The following SOX30 variants were observed in gnomAD, a reference collection of about 807,000 sequenced individuals.
SOX30 encodes the protein transcription factor SOX-30.
In SOX30, 17 loss-of-function variants were observed where a neutral mutation model predicts 58.6. That is an observed-to-expected ratio of 0.29 (90% CI 0.20 to 0.44). The LOEUF (loss-of-function observed/expected upper bound fraction) is 0.44. SOX30 is among the 20% of genes least tolerant of loss of function. SOX30 has a pLI of 1.00. For synonymous variants in SOX30, 421 were observed against 400.2 expected, an observed-to-expected ratio of 1.05 and a Z score of -0.62; for missense variants, 951 against 965.8, an observed-to-expected ratio of 0.98 and a Z score of 0.20.
chr5:157,640,082 T>C (rs545142875), intron 3 of SOX30, among the ~76,000 whole-genome samples: 1 of 152,356 alleles, frequency 6.6e-6, no homozygotes, highest in African/African-American at 2.4e-5. Flanking sequence ...TCCTGATTTA[T>C]CAAGCATAGG....
rs7733221 is a variant in SOX30 at position 157,667,767 on chromosome 5, C to T, written c.52+31G>A. 4,011 of 431,244 alleles carry T rather than the reference C, an allele frequency of 9.3e-3. 30 individuals carry two copies. In the African/African-American group the frequency reaches 0.13, roughly 14 times the overall value. The allele number at this position is 431,244 out of a possible 1,614,324, so 26.7% of individuals were successfully genotyped here. A position where few individuals can be genotyped will look rare whatever the true frequency, so the allele number is the denominator to read the frequency against. ...ATACATACATACATACATACATACA[C>T]ACACACACACACACACACACACATA... On this transcript the variant is annotated intron_variant, in intron 2 of 5. Coordinates refer to the SOX30 transcript ENST00000519442.
chr5:157,660,470 A>T (rs991321893), intron 2 of SOX30, among the ~76,000 whole-genome samples: 3 of 151,160 alleles, frequency 2.0e-5, no homozygotes, highest in African/African-American at 7.3e-5. Context: ...AAAATAAAAT[A>T]AAATATAAAA....
chr5:157,671,204 G>A (rs1042874802), intron 1 of SOX30: 7 of 182,568 alleles, frequency 3.8e-5, no homozygotes, highest in Admixed American at 1.2e-4. Context: ...GCCTGTGCTG[G>A]GTCTTCAGAC....
upstream of SOX30, among the ~76,000 whole-genome samples, chr5:157,656,277 T>A (rs115931489): frequency 2.4e-3 from 363 of 152,354 alleles, 3 homozygotes; most frequent in African/African-American, 8.4e-3. Context: ...TTTATATAGT[T>A]CATGTGACTT....
At position 157,647,653 on chromosome 5, in the gene SOX30, C is replaced by G. The variant is rs537702902; in HGVS notation, c.1208-837G>C. Among the ~76,000 whole-genome samples, 3 of 152,236 alleles carry G rather than the reference C, an allele frequency of 2.0e-5. No homozygotes were observed. In the East Asian group the frequency reaches 5.8e-4, roughly 30 times the overall value. Reference sequence around the variant, plus strand: ...CACTGCAAGCTCCACCTCCTGGGTTCATGCCATTCTCCTGCCTGAGCCTCC... The same window carrying G: ...CACTGCAAGCTCCACCTCCTGGGTTGATGCCATTCTCCTGCCTGAGCCTCC... On this transcript the variant is annotated intron_variant, in intron 2 of 4. Coordinates refer to ENST00000265007, the MANE Select transcript of SOX30 (RefSeq NM_178424.2).
At chr5:157,649,616 C>T (rs1190548696) in intron 1 of SOX30, among the ~76,000 whole-genome samples, 1 of 151,746 alleles carries the variant, frequency 6.6e-6, no homozygotes, top group Non-Finnish European at 1.5e-5. Flanking sequence ...ATGATGAAAC[C>T]CCATCTCTAC....
Position 157,651,314 on chromosome 5 carries a change from C to T in SOX30, c.765G>A (p.Gln255=). ...GCGTCAAAGGGATCCTAAGGTCTTG[C>T]TGGTGCGGCCCAAAGGCACCGGACG... ...APTSGAFGPH[Q]QDLRIPLTLH... Residue 255 remains glutamine (Q), a synonymous_variant, in exon 1 of 5, where the codon CAG becomes CAA. Transcript: ENST00000265007. 1 of 1,614,102 alleles carries T rather than the reference C, an allele frequency of 6.2e-7. No individual in the cohort carries two copies. The highest frequency in any genetic ancestry group is 1.1e-5 in the South Asian group (1 of 91,082).
intron 2 of SOX30, among the ~76,000 whole-genome samples, chr5:157,661,288 C>T (rs767884412): frequency 4.6e-5 from 7 of 152,146 alleles, no homozygotes; most frequent in Non-Finnish European, 7.4e-5. Context: ...TGCCTTTTAT[C>T]AAAGTAAGAA....
At chr5:157,661,772 G>C (rs1759581493) in intron 2 of SOX30, among the ~76,000 whole-genome samples, 1 of 152,110 alleles carries the variant, frequency 6.6e-6, no homozygotes, top group Non-Finnish European at 1.5e-5. Flanking sequence ...GATCTAATTT[G>C]TTGTTATTTA....
intron 4 of SOX30, among the ~76,000 whole-genome samples, chr5:157,631,051 A>ATATATATATACAATATATATATTG (rs1420099464): frequency 2.5e-5 from 1 of 40,700 alleles, no homozygotes; most frequent in Non-Finnish European, 4.7e-5. Flanking sequence ...TATATTTTAT[A>ATATATATATACAATATATATATTG]TATATATATA....
upstream of SOX30, among the ~76,000 whole-genome samples, chr5:157,653,018 T>TA (rs1430000626): frequency 6.6e-6 from 1 of 152,232 alleles, no homozygotes; most frequent in African/African-American, 2.4e-5. Flanking sequence ...AACCTCCTAC[T>TA]ACTGCTACTA....
At position 157,638,221 on chromosome 5, in the gene SOX30, T is replaced by A; in HGVS notation, c.1880+9A>T. 6.6e-7 allele frequency: 1 copy of A among 1,506,588 alleles called. No individual in the cohort carries two copies. The highest frequency in any genetic ancestry group is 8.9e-7 in the Non-Finnish European group (1 of 1,127,560). 93.3% of individuals were successfully genotyped at this position (1,506,588 alleles called of 1,614,324 possible). ...TGTTTAGGTAAAAGGAAAAAAAATG[T>A]TAATTTACCTTGATGGGAAGTAGTG... On this transcript the variant is annotated intron_variant, in intron 4 of 4. Coordinates refer to ENST00000265007, the MANE Select transcript of SOX30 (RefSeq NM_178424.2).
At chr5:157,667,656 T>C in intron 2 of SOX30, 1 of 1,171,144 alleles carries the variant, frequency 8.5e-7, no homozygotes, top group Non-Finnish European at 1.1e-6. Context: ...GGAGAACCAC[T>C]TGAACCCAGG....
At chr5:157,630,728 A>C (rs1411110969) in intron 4 of SOX30, among the ~76,000 whole-genome samples, 2 of 150,848 alleles carry the variant, frequency 1.3e-5, no homozygotes, top group African/African-American at 4.9e-5. Flanking sequence ...GCTTATACAG[A>C]GCCTACAGAT....
intron 2 of SOX30, among the ~76,000 whole-genome samples, chr5:157,660,073 G>C (rs192537111): frequency 2.2e-4 from 34 of 152,236 alleles, no homozygotes; most frequent in South Asian, 4.1e-4. Context: ...GTTTAATGAG[G>C]CATGTCTGAC....
At chr5:157,628,936 C>T (rs72811390) in intron 4 of SOX30, among the ~76,000 whole-genome samples, 7,383 of 152,146 alleles carry the variant, frequency 0.049, 287 homozygotes, top group South Asian at 0.099. Flanking sequence ...CCACCGTGCA[C>T]GGCCAAATAC....
At chr5:157,671,384 CCA>C in exon 1 of SOX30, 1 of 552,424 alleles carries the variant, frequency 1.8e-6, no homozygotes, top group Non-Finnish European at 3.2e-6. Context: ...CCGGGTCTCA[CCA>C]CGGCGGATGC....
intron 3 of SOX30, among the ~76,000 whole-genome samples, chr5:157,640,233 A>G (rs1170762120): frequency 2.0e-5 from 3 of 152,244 alleles, no homozygotes; most frequent in Non-Finnish European, 4.4e-5. Context: ...AGGAACTCTC[A>G]ATTTCTATTC....
At chr5:157,654,810 A>G (rs1354879993), upstream of SOX30, among the ~76,000 whole-genome samples, 2 of 152,222 alleles carry the variant, frequency 1.3e-5, no homozygotes, top group Non-Finnish European at 2.9e-5. Flanking sequence ...ATGACAGCTT[A>G]CAGATGCCAC....
Sources: allele counts gnomAD v4.1 joint callset (sites outside exome capture counted in the v4.1 genomes callset), GRCh38; gene constraint gnomAD v4.1.1; transcripts MANE v1.5; gene names NCBI Gene and HGNC (gene_info 2026-07-23, HGNC 2026-07-21).